The following RALY variants were observed in gnomAD, a reference collection of about 807,000 sequenced individuals.
RALY encodes the protein RNA-binding protein Raly.
In RALY, 15 loss-of-function variants were observed where a neutral mutation model predicts 30.7. The observed-to-expected ratio is 0.49, with a 90% CI of 0.33 to 0.75. RALY has a LOEUF of 0.75. Among genes scored for constraint, RALY ranks in the 30% least tolerant of loss-of-function variants. The pLI is 0.02. For missense variants in RALY, 339 were observed against 414.3 expected (o/e 0.82, Z 1.58); for synonymous variants, 177 against 170.8 (o/e 1.04, Z -0.28).
chr20:34,019,511 C>T (rs1887227436), intron 1 of RALY, among the ~76,000 whole-genome samples: 1 of 152,134 alleles, frequency 6.6e-6, no homozygotes, highest in Non-Finnish European at 1.5e-5. Context: ...CTGAAGGATT[C>T]TTTGATGCTG....
At chr20:34,027,773 T>G (rs1222426825) in intron 1 of RALY, among the ~76,000 whole-genome samples, 1 of 152,234 alleles carries the variant, frequency 6.6e-6, no homozygotes, top group Non-Finnish European at 1.5e-5. Context: ...ACTCTGTTAT[T>G]CAGCTTACAA....
intron 2 of RALY, among the ~76,000 whole-genome samples, chr20:34,061,611 T>C (rs183536872): frequency 4.6e-5 from 7 of 152,344 alleles, no homozygotes; most frequent in African/African-American, 1.7e-4. Flanking sequence ...CTAAGTCTTT[T>C]GATTATGAGA....
At chr20:34,065,994 C>A in intron 2 of RALY, among the ~76,000 whole-genome samples, 1 of 152,076 alleles carries the variant, frequency 6.6e-6, no homozygotes, top group East Asian at 1.9e-4. Flanking sequence ...TAGACTTGAT[C>A]TGATAGGATT....
rs928833976 is a variant in RALY at position 34,043,562 on chromosome 20, C to T, written c.-10+11958C>T. Among the ~76,000 whole-genome samples, 4 of 152,180 alleles carry T rather than the reference C, an allele frequency of 2.6e-5. No homozygotes were observed. In the South Asian group the frequency reaches 8.3e-4, roughly 32 times the overall value. ...TCCTTGCTCATGAAACCTCTAAAATCTAATCTTCTTAGAATGATATTTGAG... is the reference window on the plus strand; with the variant it reads ...TCCTTGCTCATGAAACCTCTAAAATTTAATCTTCTTAGAATGATATTTGAG... On this transcript the variant is annotated intron_variant, in intron 2 of 9. Coordinates refer to ENST00000246194, the MANE Select transcript of RALY (RefSeq NM_016732.3).
intron 1 of RALY, among the ~76,000 whole-genome samples, chr20:34,025,899 G>GTTTTTTTTTTTTTTTTTTTTTTTTT (rs35827160): frequency 1.3e-5 from 1 of 75,916 alleles, no homozygotes; most frequent in Non-Finnish European, 2.4e-5. Context: ...ATTCCTGGTT[G>GTTTTTTTTTTTTTTTTTTTTTTTTT]TTTTTTTTTT....
At chr20:34,035,297 G>A (rs574090768) in intron 2 of RALY, among the ~76,000 whole-genome samples, 27 of 151,310 alleles carry the variant, frequency 1.8e-4, no homozygotes, top group Middle Eastern at 3.5e-3. Context: ...GGTTCCTCTC[G>A]AAGGCTAGAG....
chr20:34,015,940 C>G (rs572241609), intron 1 of RALY, among the ~76,000 whole-genome samples: 1 of 152,124 alleles, frequency 6.6e-6, no homozygotes, highest in African/African-American at 2.4e-5. Context: ...TATTCCTCCT[C>G]CTCCCGTATG....
At chr20:34,064,172 A>G (rs530728277) in intron 2 of RALY, among the ~76,000 whole-genome samples, 1 of 152,252 alleles carries the variant, frequency 6.6e-6, no homozygotes, top group South Asian at 2.1e-4. Flanking sequence ...CTAACTCAGT[A>G]TCGGGGATTA....
chr20:34,029,494 G>A (rs1370205435), intron 1 of RALY, among the ~76,000 whole-genome samples: 2 of 114,460 alleles, frequency 1.7e-5, no homozygotes, highest in African/African-American at 3.8e-5. Context: ...GGGAGGGAGG[G>A]AGGGAGGGAG....
chr20:34,035,175 A>AAAC (rs1568669709), intron 2 of RALY, among the ~76,000 whole-genome samples: 11 of 138,864 alleles, frequency 7.9e-5, no homozygotes, highest in Non-Finnish European at 1.4e-4. Context: ...AAAAAAAAAA[A>AAAC]AAAAAAAAAA....
chr20:34,052,031 T>A (rs1415364499), intron 2 of RALY, among the ~76,000 whole-genome samples: 1 of 152,220 alleles, frequency 6.6e-6, no homozygotes. Flanking sequence ...AGGCACTGGC[T>A]AAGTACTCCT....
At chr20:34,075,017 A>T (rs1011211512) in intron 5 of RALY, among the ~76,000 whole-genome samples, 6 of 152,190 alleles carry the variant, frequency 3.9e-5, no homozygotes, top group Non-Finnish European at 7.3e-5. Flanking sequence ...CAGATGTCAG[A>T]GAGACCACTT....
At chr20:34,047,093 A>G (rs1205284617) in intron 2 of RALY, among the ~76,000 whole-genome samples, 1 of 152,178 alleles carries the variant, frequency 6.6e-6, no homozygotes, top group Non-Finnish European at 1.5e-5. Flanking sequence ...TGGGGGGATT[A>G]CAGGTGTGAG....
chr20:34,061,261 C>T (rs997941415), intron 2 of RALY, among the ~76,000 whole-genome samples: 2 of 152,112 alleles, frequency 1.3e-5, no homozygotes, highest in Non-Finnish European at 2.9e-5. Flanking sequence ...AGATAAAGCA[C>T]CATTAGAAGT....
At chr20:34,063,719 A>C (rs1344568044) in intron 2 of RALY, among the ~76,000 whole-genome samples, 1 of 152,174 alleles carries the variant, frequency 6.6e-6, no homozygotes, top group African/African-American at 2.4e-5. Context: ...TACAGGAGGA[A>C]GAGGAGAATA....
chr20:34,067,951 C>A (rs1244502277), intron 2 of RALY, among the ~76,000 whole-genome samples: 2 of 151,670 alleles, frequency 1.3e-5, no homozygotes, highest in African/African-American at 4.8e-5. Context: ...ATGGGGTAAT[C>A]TTGTCTCTGC....
At chr20:34,054,427 CG>C (rs2033176038) in intron 2 of RALY, among the ~76,000 whole-genome samples, 1 of 152,144 alleles carries the variant, frequency 6.6e-6, no homozygotes, top group Non-Finnish European at 1.5e-5. Context: ...GATCTGCCTA[CG>C]GGGTGGGATA....
At chr20:34,039,115 A>G (rs2032605012) in intron 2 of RALY, among the ~76,000 whole-genome samples, 1 of 152,220 alleles carries the variant, frequency 6.6e-6, no homozygotes, top group South Asian at 2.1e-4. Flanking sequence ...AAGGAGATTA[A>G]AGAGTCAACA....
intron 2 of RALY, among the ~76,000 whole-genome samples, chr20:34,069,829 A>T (rs996587336): frequency 6.6e-6 from 1 of 152,150 alleles, no homozygotes; most frequent in Admixed American, 6.5e-5. Flanking sequence ...TCTCTTTCCA[A>T]GTCAGTTCCA....
Sources: gnomAD v4.1 joint callset for allele counts (sites outside exome capture counted in the v4.1 genomes callset) on GRCh38, gnomAD v4.1.1 for gene constraint, MANE v1.5 for transcripts, NCBI Gene and HGNC (gene_info 2026-07-23, HGNC 2026-07-21) for gene names.